NAA11: variants seen among roughly 807,000 people sequenced by gnomAD.
The protein encoded by NAA11 is N-alpha-acetyltransferase 11.
In NAA11, 15 loss-of-function variants were observed where a neutral mutation model predicts 16.1. That is an observed-to-expected ratio of 0.93 (90% CI 0.62 to 1.44). The LOEUF is 1.44. Among genes scored for constraint, NAA11 ranks in the 40% most tolerant of loss-of-function variants. The pLI is 0.00. For synonymous variants in NAA11, 122 were observed against 112.4 expected (o/e 1.09, Z -0.54); for missense variants, 298 against 291.3 (o/e 1.02, Z -0.17).
downstream of NAA11, among the ~76,000 whole-genome samples, chr4:79,314,033 T>C (rs1021456478): frequency 1.3e-5 from 2 of 152,286 alleles, no homozygotes; most frequent in East Asian, 3.9e-4. Context: ...GTTGTAGCTA[T>C]TGTTTGCTTG....
chr4:79,156,918 C>T, the NAA11 span, among the ~76,000 whole-genome samples: 1 of 152,106 alleles, frequency 6.6e-6, no homozygotes, highest in Non-Finnish European at 1.5e-5. Flanking sequence ...ATAAATGGCT[C>T]AGAATTAAAT....
At chr4:79,183,441 TTTTG>T in the NAA11 span, among the ~76,000 whole-genome samples, 123,088 of 151,588 alleles carry the variant, frequency 0.81, 52,390 homozygotes, top group East Asian at 1. Context: ...TTACTTACTG[TTTTG>T]TTTGTTTTAG....
At chr4:79,157,455 G>GCATTCCAT in the NAA11 span, among the ~76,000 whole-genome samples, 5 of 151,410 alleles carry the variant, frequency 3.3e-5, no homozygotes, top group Non-Finnish European at 5.9e-5. Flanking sequence ...TGGCTGAGTG[G>GCATTCCAT]CATTCCATCA....
At chr4:79,163,911 G>C in the NAA11 span, among the ~76,000 whole-genome samples, 1 of 152,284 alleles carries the variant, frequency 6.6e-6, no homozygotes, top group South Asian at 2.1e-4. Flanking sequence ...TTAGTTTTAT[G>C]AAGTTCTCAA....
chr4:79,196,979 A>AAAAAAAAAAAAAAAAAAAAAAAAAAAAG, the NAA11 span, among the ~76,000 whole-genome samples: 8 of 125,556 alleles, frequency 6.4e-5, no homozygotes, highest in African/African-American at 1.2e-4. Context: ...AAAAAAAAAA[A>AAAAAAAAAAAAAAAAAAAAAAAAAAAAG]AAAGAAAGAA....
chr4:79,162,605 T>C, the NAA11 span, among the ~76,000 whole-genome samples: 1 of 152,216 alleles, frequency 6.6e-6, no homozygotes, highest in Non-Finnish European at 1.5e-5. Context: ...TTATAACTAA[T>C]CCTTTAGTCA....
intron 2 of NAA11, among the ~76,000 whole-genome samples, chr4:79,256,396 C>T (rs1722107353): frequency 6.6e-6 from 1 of 151,792 alleles, no homozygotes; most frequent in East Asian, 1.9e-4. Flanking sequence ...ACCTACAGTT[C>T]AGTTCAGTGT....
chr4:79,237,610 G>C (rs1266307617), intron 2 of NAA11, among the ~76,000 whole-genome samples: 1 of 152,072 alleles, frequency 6.6e-6, no homozygotes, highest in African/African-American at 2.4e-5. Context: ...ATTGTGATTA[G>C]GATTGTGTTA....
At chr4:79,215,205 C>G in the NAA11 span, among the ~76,000 whole-genome samples, 2 of 152,084 alleles carry the variant, frequency 1.3e-5, no homozygotes, top group Non-Finnish European at 2.9e-5. Context: ...GTCAATAGTC[C>G]TACTAAATAA....
intron 2 of NAA11, among the ~76,000 whole-genome samples, chr4:79,254,601 A>G (rs1184246359): frequency 6.6e-6 from 1 of 151,326 alleles, no homozygotes; most frequent in African/African-American, 2.4e-5. Context: ...ATAACACTAT[A>G]GGATTAATGG....
At chr4:79,195,373 A>G in the NAA11 span, among the ~76,000 whole-genome samples, 2 of 152,070 alleles carry the variant, frequency 1.3e-5, no homozygotes. Context: ...GTATAATTCT[A>G]TTTTTAAAAT....
intron 1 of NAA11, among the ~76,000 whole-genome samples, chr4:79,322,486 G>GGTGTAT (rs1553897626): frequency 5.0e-4 from 44 of 87,774 alleles, no homozygotes; most frequent in Admixed American, 8.8e-4. Context: ...CAGTTTTATA[G>GGTGTAT]GTGTGTGTGT....
chr4:79,310,032 T>C (rs943963712), intron 1 of NAA11, among the ~76,000 whole-genome samples: 3 of 152,280 alleles, frequency 2.0e-5, no homozygotes, highest in Admixed American at 6.5e-5. Flanking sequence ...TCGTTATTGA[T>C]ATAAAATGGG....
At chr4:79,323,318 T>C (rs1247203739) in intron 1 of NAA11, among the ~76,000 whole-genome samples, 1 of 152,222 alleles carries the variant, frequency 6.6e-6, no homozygotes, top group Non-Finnish European at 1.5e-5. Flanking sequence ...ATTATTACAA[T>C]TAAGTTGTTT....
chr4:79,196,976 A>G, the NAA11 span, among the ~76,000 whole-genome samples: 3 of 149,184 alleles, frequency 2.0e-5, no homozygotes, highest in Non-Finnish European at 4.5e-5. Flanking sequence ...AAAAAAAAAA[A>G]AAAAAAGAAA....
At chr4:79,185,713 T>G in the NAA11 span, among the ~76,000 whole-genome samples, 1 of 152,216 alleles carries the variant, frequency 6.6e-6, no homozygotes, top group African/African-American at 2.4e-5. Flanking sequence ...CCATTCTAAC[T>G]AAACAAACTC....
At chr4:79,220,352 C>G in the NAA11 span, among the ~76,000 whole-genome samples, 1 of 152,096 alleles carries the variant, frequency 6.6e-6, no homozygotes, top group Non-Finnish European at 1.5e-5. Context: ...CTTGGCCTCC[C>G]AAAGTGCTGG....
the NAA11 span, among the ~76,000 whole-genome samples, chr4:79,175,158 C>A: frequency 5.3e-5 from 8 of 152,052 alleles, no homozygotes; most frequent in South Asian, 6.2e-4. Context: ...GTCCTAAATA[C>A]CCCATACAAA....
the NAA11 span, among the ~76,000 whole-genome samples, chr4:79,191,344 T>C: frequency 6.6e-6 from 1 of 151,968 alleles, no homozygotes; most frequent in Admixed American, 6.6e-5. Flanking sequence ...GCTGTTTTTT[T>C]TTTTTTTACT....
Sources: gnomAD v4.1 joint callset for allele counts (sites outside exome capture counted in the v4.1 genomes callset) on GRCh38, gnomAD v4.1.1 for gene constraint, MANE v1.5 for transcripts, NCBI Gene and HGNC (gene_info 2026-07-23, HGNC 2026-07-21) for gene names.